CTNND2: variants seen among roughly 807,000 people sequenced by gnomAD.
The protein encoded by CTNND2 is catenin delta 2, also known as catenin delta-2.
In CTNND2, 22 loss-of-function variants were observed where a neutral mutation model predicts 144.4. That is an observed-to-expected ratio of 0.15 (90% CI 0.11 to 0.22). The LOEUF (loss-of-function observed/expected upper bound fraction) is 0.22. Among genes scored for constraint, CTNND2 ranks in the 10% least tolerant of loss-of-function variants. The pLI, the probability that CTNND2 is intolerant of heterozygous loss-of-function variation, is 1.00. For synonymous variants in CTNND2, 751 were observed against 695.6 expected (o/e 1.08, Z -1.25); for missense variants, 1,353 against 1,618.8 (o/e 0.84, Z 2.82).
chr5:11,625,244 T>C (rs1278533168), intron 2 of CTNND2, among the ~76,000 whole-genome samples: 6 of 152,212 alleles, frequency 3.9e-5, no homozygotes, highest in South Asian at 2.1e-4. Context: ...GTTAGAATGA[T>C]TGGGGAAAAA....
In CTNND2 at chr5:10,988,549, G is replaced by T. The variant is rs990431415; in HGVS notation, c.3212-307C>A. On this transcript the variant is annotated intron_variant, in intron 19 of 21. Coordinates refer to ENST00000304623, the MANE Select transcript of CTNND2 (RefSeq NM_001332.4). This position sits in a 1 kb window ranked among gnomAD's most constrained non-coding sequence, Gnocchi z 5.9. Reference sequence around the variant, plus strand: ...ATGGAGGGGACGTGACCTGCCCAAGGTGTGTGGGGCAGTTTAGGAATGAGA... The same window carrying T: ...ATGGAGGGGACGTGACCTGCCCAAGTTGTGTGGGGCAGTTTAGGAATGAGA... Among the ~76,000 whole-genome samples, 1 of 152,152 alleles carries T rather than the reference G, an allele frequency of 6.6e-6. No homozygotes were observed. The highest frequency in any genetic ancestry group is 2.4e-5 in the African/African-American group (1 of 41,434).
intron 2 of CTNND2, among the ~76,000 whole-genome samples, chr5:11,680,396 T>C (rs375343545): frequency 6.6e-5 from 10 of 152,022 alleles, no homozygotes; most frequent in Admixed American, 2.6e-4. Context: ...ACTGTGGTGG[T>C]AGGAGTGGGG....
chr5:11,454,343 C>T (rs1340010830), intron 3 of CTNND2, among the ~76,000 whole-genome samples: 1 of 151,990 alleles, frequency 6.6e-6, no homozygotes, highest in Non-Finnish European at 1.5e-5. Flanking sequence ...TCGCTTGAAC[C>T]CGGGAGGCAG....
At chr5:11,150,493 C>T (rs1757648095) in intron 12 of CTNND2, among the ~76,000 whole-genome samples, 1 of 152,040 alleles carries the variant, frequency 6.6e-6, no homozygotes, top group African/African-American at 2.4e-5. Context: ...ACCAACCAGA[C>T]TCAAGAAAAA....
chr5:11,110,957 G>A lies in CTNND2; in HGVS notation c.2364C>T (p.Asp788=), dbSNP rs780182249. The A allele has an allele frequency of 1.2e-5, 19 of 1,613,966 alleles. No individual in the cohort carries two copies. In the African/African-American group the frequency reaches 1.5e-4, roughly 12 times the overall value. ...CGCCACAGAGTAGCCCGTCCAGCTCGTCCGTGCCCATGTGCTGTCCCTGAG... is the reference window on the plus strand; with the variant it reads ...CGCCACAGAGTAGCCCGTCCAGCTCATCCGTGCCCATGTGCTGTCCCTGAG... ...ETSQGQHMGT[D]ELDGLLCGEA... is the part of the protein sequence containing the mutation. Residue 788 remains aspartate, a synonymous_variant, in exon 14 of 22, where the codon GAC becomes GAT. Transcript: ENST00000304623.
intron 8 of CTNND2, among the ~76,000 whole-genome samples, chr5:11,348,453 A>AG (rs1300855375): frequency 6.8e-5 from 10 of 147,740 alleles, no homozygotes; most frequent in Admixed American, 3.4e-4. Context: ...AAAAAAAAAA[A>AG]AAAGAAAAAA....
chr5:11,289,722 AG>A (rs1038384148), intron 9 of CTNND2, among the ~76,000 whole-genome samples: 15 of 152,320 alleles, frequency 9.8e-5, no homozygotes, highest in Admixed American at 5.2e-4. Flanking sequence ...GCTCAGAATG[AG>A]TCTCAGAGAT....
chr5:11,877,824 T>A (rs1387554812), intron 1 of CTNND2, among the ~76,000 whole-genome samples: 1 of 152,134 alleles, frequency 6.6e-6, no homozygotes, highest in Non-Finnish European at 1.5e-5. Flanking sequence ...GACTTTTCTT[T>A]CATTTGGGAA....
In CTNND2 at chr5:11,083,172, C is replaced by T. The variant is rs116833476; in HGVS notation, c.2638-326G>A. ...TCAAGATACAGAGGTTTGGGACAAG[C>T]GGATGTGGCCAGTGGCATTAAAGAG... is the stretch of plus-strand genomic sequence containing the variant. On this transcript the variant is annotated intron_variant, in intron 15 of 21. Coordinates refer to ENST00000304623, the MANE Select transcript of CTNND2 (RefSeq NM_001332.4). Among the ~76,000 whole-genome samples, 89 of 152,188 alleles carry T rather than the reference C, an allele frequency of 5.8e-4. 1 individual carries two copies. The highest frequency in any genetic ancestry group is 1.8e-3 in the African/African-American group (74 of 41,490).
intron 1 of CTNND2, among the ~76,000 whole-genome samples, chr5:11,824,115 C>T (rs1793474998): frequency 7.0e-6 from 1 of 143,322 alleles, no homozygotes; most frequent in Non-Finnish European, 1.5e-5. Context: ...AAAAAAAAAC[C>T]ATGGTGAAAC....
chr5:11,725,489 A>G (rs1034686556), intron 2 of CTNND2, among the ~76,000 whole-genome samples: 1 of 152,156 alleles, frequency 6.6e-6, no homozygotes, highest in African/African-American at 2.4e-5. Flanking sequence ...AATACTATCT[A>G]ACTTGACCTT....
At chr5:11,455,873 T>A (rs1484629579) in intron 3 of CTNND2, among the ~76,000 whole-genome samples, 1 of 152,194 alleles carries the variant, frequency 6.6e-6, no homozygotes, top group Non-Finnish European at 1.5e-5. Flanking sequence ...CTCAGGCGCC[T>A]TTGAGAAATA....
intron 2 of CTNND2, among the ~76,000 whole-genome samples, chr5:11,585,375 G>C (rs191450899): frequency 6.6e-6 from 1 of 151,632 alleles, no homozygotes; most frequent in African/African-American, 2.4e-5. Context: ...TTTTTTAATC[G>C]GGGGAAAAAG....
intron 9 of CTNND2, among the ~76,000 whole-genome samples, chr5:11,255,523 G>T (rs1744145309): frequency 2.0e-5 from 3 of 151,928 alleles, no homozygotes; most frequent in African/African-American, 7.3e-5. Context: ...CCATAATATT[G>T]TGACATAAAG....
intron 14 of CTNND2, among the ~76,000 whole-genome samples, chr5:11,104,828 T>C (rs1397467766): frequency 6.6e-6 from 1 of 152,104 alleles, no homozygotes; most frequent in Non-Finnish European, 1.5e-5. Flanking sequence ...AGGAGGGACT[T>C]TGCATTTGAG....
chr5:11,617,886 T>C (rs147748525), intron 2 of CTNND2, among the ~76,000 whole-genome samples: 145 of 152,310 alleles, frequency 9.5e-4, no homozygotes, highest in African/African-American at 2.8e-3. Flanking sequence ...TCTGATAAAG[T>C]AGGTGTGTTT....
intron 18 of CTNND2, among the ~76,000 whole-genome samples, chr5:10,997,642 TA>T (rs1739499124): frequency 6.6e-6 from 1 of 151,630 alleles, no homozygotes; most frequent in Non-Finnish European, 1.5e-5. Flanking sequence ...AAATGCTTTG[TA>T]GAGGGCAGAA....
chr5:11,479,349 G>A (rs180748817), intron 3 of CTNND2, among the ~76,000 whole-genome samples: 43 of 152,172 alleles, frequency 2.8e-4, no homozygotes, highest in African/African-American at 1.0e-3. Context: ...TTATGGCTGT[G>A]TACAATTCCA....
At chr5:11,847,255 G>A (rs1035124474) in intron 1 of CTNND2, among the ~76,000 whole-genome samples, 3 of 148,438 alleles carry the variant, frequency 2.0e-5, no homozygotes, top group Admixed American at 6.8e-5. Context: ...CAAATGAGTG[G>A]ATAAAGAAAA....
Sources: gnomAD v4.1 joint callset for allele counts (sites outside exome capture counted in the v4.1 genomes callset) on GRCh38, gnomAD v4.1.1 for gene constraint, Gnocchi (gnomAD v3.1) non-coding constraint, MANE v1.5 for transcripts, NCBI Gene and HGNC (gene_info 2026-07-23, HGNC 2026-07-21) for gene names.